Variants in SGMS1 observed in about 807,000 individuals in gnomAD.
SGMS1 encodes the protein phosphatidylcholine:ceramide cholinephosphotransferase 1.
SGMS1 carries 13 observed loss-of-function variants against 46.2 expected under a neutral mutation model. The observed-to-expected ratio is 0.28, with a 90% CI of 0.18 to 0.45. The LOEUF (loss-of-function observed/expected upper bound fraction) is 0.45. Ranked by LOEUF, SGMS1 falls within the 20% of genes least tolerant of loss-of-function variation. The probability of loss-of-function intolerance (pLI) is 1.00; values close to 1 mark genes in which losing one functional copy is unlikely to be tolerated. For missense variants in SGMS1, 324 were observed against 519.9 expected, an observed-to-expected ratio of 0.62 and a Z score of 3.66; for synonymous variants, 203 against 187.8, an observed-to-expected ratio of 1.08 and a Z score of -0.66.
intron 6 of SGMS1, among the ~76,000 whole-genome samples, chr10:50,431,641 G>C (rs1372389988): frequency 6.6e-6 from 1 of 152,032 alleles, no homozygotes; most frequent in Non-Finnish European, 1.5e-5. Flanking sequence ...AACTGCCCAG[G>C]TTTTGTTTTG....
At chr10:50,326,066 T>C (rs1847526583) in intron 8 of SGMS1, among the ~76,000 whole-genome samples, 1 of 152,018 alleles carries the variant, frequency 6.6e-6, no homozygotes, top group South Asian at 2.1e-4. Flanking sequence ...GGAGGCAGGA[T>C]GGCTGATAGA....
At chr10:50,581,997 G>C (rs1407944645) in intron 2 of SGMS1, among the ~76,000 whole-genome samples, 2 of 152,234 alleles carry the variant, frequency 1.3e-5, no homozygotes, top group Admixed American at 6.5e-5. Context: ...CAAGGAAACA[G>C]CAACCGCAGG....
intron 3 of SGMS1, among the ~76,000 whole-genome samples, chr10:50,468,949 C>T (rs61856833): frequency 0.012 from 1,854 of 152,172 alleles, 22 homozygotes; most frequent in Middle Eastern, 0.044. Context: ...TACACTTAAC[C>T]CCACAAGAAC....
intron 2 of SGMS1, among the ~76,000 whole-genome samples, chr10:50,553,663 T>G (rs1189504476): frequency 6.6e-6 from 1 of 152,190 alleles, no homozygotes; most frequent in Non-Finnish European, 1.5e-5. Flanking sequence ...TCTGAACCAC[T>G]GCTTTTAGGT....
intron 2 of SGMS1, among the ~76,000 whole-genome samples, chr10:50,579,942 G>A (rs950028181): frequency 2.0e-5 from 3 of 152,156 alleles, no homozygotes; most frequent in African/African-American, 7.2e-5. Context: ...AGATTTCTCC[G>A]AGATGTAATT....
At chr10:50,492,670 G>T (rs985105668) in intron 3 of SGMS1, among the ~76,000 whole-genome samples, 1 of 152,054 alleles carries the variant, frequency 6.6e-6, no homozygotes, top group African/African-American at 2.4e-5. Flanking sequence ...CAAACAAATG[G>T]AAAAATATTC....
chr10:50,402,231 T>C (rs17778152), intron 6 of SGMS1, among the ~76,000 whole-genome samples: 28,678 of 152,188 alleles, frequency 0.19, 2,920 homozygotes, highest in Admixed American at 0.23. Context: ...TTCTCTAATG[T>C]TCTGAGGTTC....
At chr10:50,489,638 C>T (rs1370144792) in intron 3 of SGMS1, among the ~76,000 whole-genome samples, 2 of 152,158 alleles carry the variant, frequency 1.3e-5, no homozygotes, top group Non-Finnish European at 2.9e-5. Context: ...TTACATCAAC[C>T]CTCCAAACGT....
chr10:50,435,976 C>T (rs1459212183), intron 5 of SGMS1, among the ~76,000 whole-genome samples: 5 of 152,226 alleles, frequency 3.3e-5, no homozygotes, highest in Admixed American at 1.3e-4. Context: ...TGTGTCATTA[C>T]AGTTTAGTTC....
intron 5 of SGMS1, among the ~76,000 whole-genome samples, chr10:50,445,553 C>A (rs899835943): frequency 6.6e-6 from 1 of 152,148 alleles, no homozygotes; most frequent in Non-Finnish European, 1.5e-5. Context: ...AATCTCTGAA[C>A]ATAAATTGTG....
At chr10:50,581,218 A>G (rs907076714) in intron 2 of SGMS1, among the ~76,000 whole-genome samples, 3 of 152,174 alleles carry the variant, frequency 2.0e-5, no homozygotes, top group Non-Finnish European at 4.4e-5. Context: ...TGCTTTTAAA[A>G]TCCCTCAGGG....
chr10:50,623,505 G>A (rs1838877362), intron 1 of SGMS1: 15 of 906,058 alleles, frequency 1.7e-5, no homozygotes, highest in Non-Finnish European at 2.0e-5. Flanking sequence ...GGACCTCCCC[G>A]CTGTGACCAC....
In SGMS1 at chr10:50,614,709, G is replaced by A. The variant is rs561197596; in HGVS notation, c.-684+8998C>T. 3.9e-5 allele frequency among the ~76,000 whole-genome samples: 6 copies of A among 152,334 alleles called. No individual in the cohort carries two copies. In the South Asian group the frequency reaches 1.2e-3, roughly 32 times the overall value. ...CACCTGATAAACATCTGAGGTCATGGGAATGCCCTGCTGGGCTAACCTGTG... is the reference window on the plus strand; with the variant it reads ...CACCTGATAAACATCTGAGGTCATGAGAATGCCCTGCTGGGCTAACCTGTG... On this transcript the variant is annotated intron_variant, in intron 1 of 10. Transcript: ENST00000361781.
intron 7 of SGMS1, among the ~76,000 whole-genome samples, chr10:50,332,724 G>A (rs1847647929): frequency 7.1e-6 from 1 of 140,228 alleles, no homozygotes; most frequent in Non-Finnish European, 1.5e-5. Flanking sequence ...CCGGGCTCAA[G>A]CAATCCTCCT....
rs1010683457 is a variant in SGMS1, at chr10:50,623,804, A to G, written c.-781T>C. On this transcript the variant is annotated 5_prime_UTR_variant, in exon 1 of 11. Transcript: ENST00000361781. ...GGCAGCGTCGGGGCTCCGCACCCCAATCGCGCTCTCCGACCGGCTCCCTAG... is the reference window on the plus strand; with the variant it reads ...GGCAGCGTCGGGGCTCCGCACCCCAGTCGCGCTCTCCGACCGGCTCCCTAG... The G allele has an allele frequency of 2.3e-5, 23 of 984,790 alleles. No individual in the cohort carries two copies. The highest frequency in any genetic ancestry group is 2.7e-5 in the Non-Finnish European group (22 of 829,822). 61.0% of individuals were successfully genotyped at this position (984,790 alleles called of 1,614,324 possible).
chr10:50,487,104 T>C (rs1837527330), intron 3 of SGMS1, among the ~76,000 whole-genome samples: 1 of 152,120 alleles, frequency 6.6e-6, no homozygotes, highest in African/African-American at 2.4e-5. Flanking sequence ...GGGAGCTAAA[T>C]GATGAGAACA....
Position 50,577,136 on chromosome 10 carries a change from C to T in SGMS1, c.-589+13017G>A, listed in dbSNP as rs116652347. 2.5e-3 allele frequency among the ~76,000 whole-genome samples: 380 copies of T among 152,282 alleles called. 1 individual carries two copies. Among genetic ancestry groups the T allele is most frequent in the African/African-American group, 8.9e-3 (370 of 41,572 alleles). On this transcript the variant is annotated intron_variant, in intron 2 of 10. Coordinates refer to ENST00000361781, the MANE Select transcript of SGMS1 (RefSeq NM_147156.4). ...GTCTTTTGGAAGACTCAGGCTGCTT[C>T]CGTTAAGCTAGGGGTAACTTGCTTG...
At position 50,406,875 on chromosome 10, in the gene SGMS1, TTTTG is replaced by T. The variant is rs1436806407; in HGVS notation, c.-232+26597_-232+26600del. Among the ~76,000 whole-genome samples the T allele has an allele frequency of 3.9e-5, 6 of 152,054 alleles. 1 individual carries two copies. The Middle Eastern group carries it at 0.01, about 259-fold the overall frequency. ...ATGCATCACCACACCTAGGTAATTT[TTTTG>T]TTTGTTTGTTTGTTTTTATAGAGAC... On this transcript the variant is annotated intron_variant, in intron 6 of 10. Transcript: ENST00000361781.
chr10:50,381,165 C>CAAAA (rs1009274367), intron 6 of SGMS1, among the ~76,000 whole-genome samples: 3 of 151,658 alleles, frequency 2.0e-5, no homozygotes, highest in Admixed American at 6.6e-5. Flanking sequence ...AACAAACAAA[C>CAAAA]AAATACTAAT....
Sources: gnomAD v4.1 joint callset for allele counts (sites outside exome capture counted in the v4.1 genomes callset) on GRCh38, gnomAD v4.1.1 for gene constraint, MANE v1.5 for transcripts, NCBI Gene and HGNC (gene_info 2026-07-23, HGNC 2026-07-21) for gene names.